Variants in NXPH1 observed in about 807,000 individuals in gnomAD.
NXPH1 encodes the protein neurexophilin-1.
NXPH1 carries 5 observed loss-of-function variants against 23.7 expected under a neutral mutation model. The ratio of observed to expected loss-of-function variants is 0.21; its 90% CI spans 0.11 to 0.44. The LOEUF is 0.44. Ranked by LOEUF, NXPH1 falls within the 20% of genes least tolerant of loss-of-function variation. The pLI, the probability that NXPH1 is intolerant of heterozygous loss-of-function variation, is 0.99. For missense variants in NXPH1, 324 were observed against 321.6 expected, an observed-to-expected ratio of 1.01 and a Z score of -0.06; for synonymous variants, 144 against 122.2, an observed-to-expected ratio of 1.18 and a Z score of -1.18.
At chr7:8,717,894 G>GTATATATATATATATA (rs3059127) in intron 2 of NXPH1, among the ~76,000 whole-genome samples, 15 of 147,152 alleles carry the variant, frequency 1.0e-4, no homozygotes, top group African/African-American at 2.3e-4. Flanking sequence ...CTCTCTGTGT[G>GTATATATATATATATA]TATATATATA....
Position 8,710,969 on chromosome 7 carries a change from T to G in NXPH1, c.55-40039T>G, listed in dbSNP as rs1021542380. ...GAGCCACCGCGCCCGGCCGTTACGGTTTTATGATAACACAAGGATACTGTA... is the reference window on the plus strand; with the variant it reads ...GAGCCACCGCGCCCGGCCGTTACGGGTTTATGATAACACAAGGATACTGTA... On this transcript the variant is annotated intron_variant, in intron 2 of 2. Transcript: ENST00000405863. Among the ~76,000 whole-genome samples, 6 of 152,106 alleles carry G rather than the reference T, an allele frequency of 3.9e-5. 1 individual carries two copies. The highest frequency in any genetic ancestry group is 1.4e-4 in the African/African-American group (6 of 41,406).
intron 2 of NXPH1, among the ~76,000 whole-genome samples, chr7:8,643,664 C>T (rs1345839802): frequency 6.6e-6 from 1 of 151,968 alleles, no homozygotes; most frequent in Non-Finnish European, 1.5e-5. Context: ...CTCTATATAC[C>T]TACTTATTGT....
chr7:8,535,987 G>T (rs896063255), intron 2 of NXPH1, among the ~76,000 whole-genome samples: 1 of 151,804 alleles, frequency 6.6e-6, no homozygotes, highest in Non-Finnish European at 1.5e-5. Flanking sequence ...TATTTTTCAG[G>T]TCTCAACTTG....
At chr7:8,505,119 G>A (rs1215996895) in intron 2 of NXPH1, among the ~76,000 whole-genome samples, 2 of 151,922 alleles carry the variant, frequency 1.3e-5, no homozygotes, top group South Asian at 2.1e-4. Context: ...TTGGTTAAAT[G>A]TCTGATTTTA....
chr7:8,652,713 T>C (rs752533193), intron 2 of NXPH1, among the ~76,000 whole-genome samples: 66 of 152,174 alleles, frequency 4.3e-4, no homozygotes, highest in Non-Finnish European at 8.5e-4. Context: ...CCGAGGTATT[T>C]TTCCTCATTA....
chr7:8,505,048 C>T (rs939765400), intron 2 of NXPH1, among the ~76,000 whole-genome samples: 11 of 152,052 alleles, frequency 7.2e-5, no homozygotes, highest in African/African-American at 2.7e-4. Flanking sequence ...CATTCACTAC[C>T]ATGGTATCCT....
intron 2 of NXPH1, among the ~76,000 whole-genome samples, chr7:8,446,844 G>C (rs182174023): frequency 4.0e-5 from 6 of 151,558 alleles, no homozygotes; most frequent in Non-Finnish European, 8.8e-5. Context: ...TAAAAATCAT[G>C]GTGACATTTT....
At chr7:8,708,434 C>G (rs4725121) in intron 2 of NXPH1, among the ~76,000 whole-genome samples, 63,573 of 151,880 alleles carry the variant, frequency 0.42, 13,478 homozygotes, top group East Asian at 0.62. Flanking sequence ...GATCTCAGCT[C>G]ACTGCAACCT....
chr7:8,476,988 T>G (rs541540095), intron 2 of NXPH1, among the ~76,000 whole-genome samples: 2 of 152,314 alleles, frequency 1.3e-5, no homozygotes, highest in East Asian at 3.9e-4. Flanking sequence ...GGGAATCTTA[T>G]GCCAGAAGAA....
chr7:8,534,563 T>C (rs776786562), intron 2 of NXPH1, among the ~76,000 whole-genome samples: 1 of 152,134 alleles, frequency 6.6e-6, no homozygotes, highest in Non-Finnish European at 1.5e-5. Context: ...AAGCATAGTA[T>C]GTAAAATAGG....
chr7:8,605,667 C>T (rs1380880204), intron 2 of NXPH1, among the ~76,000 whole-genome samples: 1 of 151,986 alleles, frequency 6.6e-6, no homozygotes, highest in Non-Finnish European at 1.5e-5. Flanking sequence ...GATCAAAATA[C>T]CAATTTTGCC....
At chr7:8,729,176 G>T (rs199712008) in intron 2 of NXPH1, among the ~76,000 whole-genome samples, 3 of 151,106 alleles carry the variant, frequency 2.0e-5, no homozygotes, top group African/African-American at 4.9e-5. Context: ...CTGTGGGATC[G>T]GTGGTGATAT....
At chr7:8,503,571 G>T (rs1444250419) in intron 2 of NXPH1, among the ~76,000 whole-genome samples, 2 of 151,916 alleles carry the variant, frequency 1.3e-5, no homozygotes, top group East Asian at 3.9e-4. Flanking sequence ...TGTTTTTGAT[G>T]TTTCTTCAAT....
intron 2 of NXPH1, among the ~76,000 whole-genome samples, chr7:8,746,688 G>C (rs767996152): frequency 1.1e-4 from 16 of 152,040 alleles, no homozygotes; most frequent in Non-Finnish European, 1.6e-4. Flanking sequence ...ATTGTGGTAT[G>C]AGCACTTAAT....
chr7:8,701,323 C>T (rs562880307), intron 2 of NXPH1, among the ~76,000 whole-genome samples: 1 of 152,100 alleles, frequency 6.6e-6, no homozygotes, highest in Non-Finnish European at 1.5e-5. Flanking sequence ...TCCATAGAAC[C>T]CAGTCCAAAC....
chr7:8,624,858 T>G (rs1819953428), intron 2 of NXPH1, among the ~76,000 whole-genome samples: 1 of 152,068 alleles, frequency 6.6e-6, no homozygotes, highest in African/African-American at 2.4e-5. Context: ...AGAGGGCTCC[T>G]CAGTGCAGTT....
chr7:8,572,803 A>G (rs1157707774), intron 2 of NXPH1, among the ~76,000 whole-genome samples: 1 of 152,084 alleles, frequency 6.6e-6, no homozygotes, highest in Non-Finnish European at 1.5e-5. Context: ...ATGCAATTAA[A>G]AATAGTTGGA....
At chr7:8,669,925 A>G (rs1408455302) in intron 2 of NXPH1, among the ~76,000 whole-genome samples, 2 of 152,202 alleles carry the variant, frequency 1.3e-5, no homozygotes, top group Non-Finnish European at 2.9e-5. Context: ...GTTCAAATTG[A>G]TGTTTCTGCA....
At chr7:8,714,737 G>A (rs555546391) in intron 2 of NXPH1, among the ~76,000 whole-genome samples, 5 of 152,084 alleles carry the variant, frequency 3.3e-5, no homozygotes, top group African/African-American at 7.2e-5. Context: ...AAATGTCATC[G>A]GGTAGCAAGG....
Sources: allele counts gnomAD v4.1 joint callset (sites outside exome capture counted in the v4.1 genomes callset), GRCh38; gene constraint gnomAD v4.1.1; transcripts MANE v1.5; gene names NCBI Gene and HGNC (gene_info 2026-07-23, HGNC 2026-07-21).